Variants in PTBP3 observed in about 807,000 individuals in gnomAD.
The protein encoded by PTBP3 is polypyrimidine tract binding protein 3.
PTBP3 carries 20 observed loss-of-function variants against 58.7 expected under a neutral mutation model. The observed-to-expected ratio is 0.34, with a 90% CI of 0.24 to 0.50. The LOEUF (loss-of-function observed/expected upper bound fraction) is 0.50, where lower values mean the gene tolerates loss of function less well. PTBP3 is among the 20% of genes least tolerant of loss of function. The probability of loss-of-function intolerance (pLI) is 0.98; values close to 1 mark genes in which losing one functional copy is unlikely to be tolerated. For missense variants in PTBP3, 509 were observed against 637.2 expected, an observed-to-expected ratio of 0.80 and a Z score of 2.17; for synonymous variants, 185 against 219.8, an observed-to-expected ratio of 0.84 and a Z score of 1.40.
Position 112,221,465 on chromosome 9 carries a change from C to A in PTBP3, c.*2386G>T. 1.0e-6 allele frequency: 1 copy of A among 985,272 alleles called. No homozygotes were observed. The highest frequency in any genetic ancestry group is 1.2e-6 in the Non-Finnish European group (1 of 829,488). 61.0% of individuals were successfully genotyped at this position (985,272 alleles called of 1,614,324 possible). ...ATGAGAATCATGAATTAATAAATTA[C>A]ACAGTAATTCCTAACTTAAAGTAAA... On this transcript the variant is annotated 3_prime_UTR_variant, in exon 14 of 14. Transcript: ENST00000374257.
intron 7 of PTBP3, among the ~76,000 whole-genome samples, chr9:112,245,391 A>G (rs1835837674): frequency 6.6e-6 from 1 of 152,208 alleles, no homozygotes; most frequent in African/African-American, 2.4e-5. Context: ...GATTGAGCAA[A>G]TAAGTAAACA....
intron 7 of PTBP3, among the ~76,000 whole-genome samples, chr9:112,246,692 CAAAA>C (rs1264620462): frequency 9.3e-6 from 1 of 107,220 alleles, no homozygotes. Flanking sequence ...GACTCTGTCT[CAAAA>C]AAAAAAAAAG....
In PTBP3 at chr9:112,257,386, G is replaced by A. The variant is rs561466167; in HGVS notation, c.517-4598C>T. On this transcript the variant is annotated intron_variant, in intron 5 of 13. Transcript: ENST00000374257. ...TTTGGTATCAAAAATTAAAATTCAGGAAGGTTTGATATATATATGAATCTA... is the reference window on the plus strand; with the variant it reads ...TTTGGTATCAAAAATTAAAATTCAGAAAGGTTTGATATATATATGAATCTA... Among the ~76,000 whole-genome samples the A allele has an allele frequency of 2.6e-5, 4 of 152,188 alleles. No individual in the cohort carries two copies. In the South Asian group the frequency reaches 8.3e-4, roughly 32 times the overall value.
chr9:112,298,616 T>C (rs1318352863), intron 1 of PTBP3: 3 of 481,754 alleles, frequency 6.2e-6, no homozygotes, highest in East Asian at 1.2e-4. Context: ...TTTTAAATAG[T>C]ACTATTGGTT....
chr9:112,233,565 C>T (rs1406405175), intron 8 of PTBP3, among the ~76,000 whole-genome samples: 1 of 152,114 alleles, frequency 6.6e-6, no homozygotes, highest in African/African-American at 2.4e-5. Context: ...CTAAAAACCA[C>T]CAAGATGGTA....
intron 5 of PTBP3, among the ~76,000 whole-genome samples, chr9:112,255,350 A>AGG (rs1836301616): frequency 1.3e-5 from 2 of 152,224 alleles, no homozygotes; most frequent in Non-Finnish European, 2.9e-5. Flanking sequence ...ACAATTAAAA[A>AGG]TAGTTAAAAC....
intron 2 of PTBP3, among the ~76,000 whole-genome samples, chr9:112,283,799 T>G (rs962103180): frequency 2.8e-4 from 42 of 152,358 alleles, no homozygotes; most frequent in South Asian, 2.1e-3. Flanking sequence ...CGGGCTGGCC[T>G]GGGCCCTGCT....
chr9:112,375,991 C>G, the PTBP3 span, among the ~76,000 whole-genome samples: 1 of 152,002 alleles, frequency 6.6e-6, no homozygotes, highest in African/African-American at 2.4e-5. Flanking sequence ...CTCCAAATAG[C>G]ATCCCTATCT....
intron 1 of PTBP3, among the ~76,000 whole-genome samples, chr9:112,325,422 C>T (rs1006610195): frequency 2.6e-5 from 4 of 152,008 alleles, no homozygotes; most frequent in East Asian, 1.9e-4. Flanking sequence ...AGCCAGCTGG[C>T]GGGACCCCTC....
rs1043078558 is a variant in PTBP3, at chr9:112,223,595, A to AT, written c.*255dup. 8 of 1,156,980 alleles carry AT rather than the reference A, an allele frequency of 6.9e-6. No individual in the cohort carries two copies. The highest frequency in any genetic ancestry group is 4.1e-5 in the Admixed American group (1 of 24,206). 71.7% of individuals were successfully genotyped at this position (1,156,980 alleles called of 1,614,324 possible). On this transcript the variant is annotated 3_prime_UTR_variant, in exon 14 of 14. Coordinates refer to ENST00000374257, the MANE Select transcript of PTBP3 (RefSeq NM_001163788.4). ...TAGGGAATAAGATTATTGAAAAAAA[A>AT]TTTTTTTCCTGATTTTCTTTTTCCT...
intron 10 of PTBP3, among the ~76,000 whole-genome samples, chr9:112,229,130 T>C (rs535993816): frequency 2.0e-5 from 3 of 152,162 alleles, no homozygotes; most frequent in Admixed American, 2.0e-4. Context: ...AAAACTACAG[T>C]TTTTGAATTT....
chr9:112,333,583 C>G lies in PTBP3; in HGVS notation c.-165G>C, dbSNP rs1161878080. 25 of 1,389,040 alleles carry G rather than the reference C, an allele frequency of 1.8e-5. No individual in the cohort carries two copies. The highest frequency in any genetic ancestry group is 2.5e-5 in the Non-Finnish European group (25 of 1,000,964). 86.0% of individuals were successfully genotyped at this position (1,389,040 alleles called of 1,614,324 possible). On this transcript the variant is annotated 5_prime_UTR_variant, in exon 1 of 14. Coordinates refer to ENST00000374257, the MANE Select transcript of PTBP3 (RefSeq NM_001163788.4). The stretch of plus-strand genomic sequence containing the variant: ...TTCCGGGGACAAGCGAGCTTTGGCT[C>G]TGCGGAGCCCCGGCCGGTCCGAGGT...
chr9:112,301,472 CAAAA>C (rs1828934593), intron 1 of PTBP3, among the ~76,000 whole-genome samples: 13 of 150,170 alleles, frequency 8.7e-5, no homozygotes, highest in Admixed American at 7.3e-4. Flanking sequence ...AAAAAACAAA[CAAAA>C]AAACTAAACA....
the PTBP3 span, among the ~76,000 whole-genome samples, chr9:112,362,019 G>C: frequency 6.6e-6 from 1 of 152,148 alleles, no homozygotes; most frequent in South Asian, 2.1e-4. Flanking sequence ...TGTGCTTGTT[G>C]CCATTAGTAT....
chr9:112,372,747 T>C, the PTBP3 span, among the ~76,000 whole-genome samples: 1 of 152,226 alleles, frequency 6.6e-6, no homozygotes, highest in African/African-American at 2.4e-5. Flanking sequence ...CAGTACTTCA[T>C]TCCTTTTTAT....
At chr9:112,316,591 T>G (rs1012677972) in intron 1 of PTBP3, among the ~76,000 whole-genome samples, 1 of 152,202 alleles carries the variant, frequency 6.6e-6, no homozygotes, top group African/African-American at 2.4e-5. Flanking sequence ...ACACAGACAC[T>G]GGCAGATAAC....
intron 5 of PTBP3, among the ~76,000 whole-genome samples, chr9:112,256,317 A>G (rs1191183937): frequency 1.4e-5 from 2 of 144,902 alleles, no homozygotes; most frequent in Non-Finnish European, 3.0e-5. Flanking sequence ...ATATTTATCT[A>G]TCTTGCTGTT....
chr9:112,250,833 C>T, intron 7 of PTBP3, 96 bp downstream of exon 7: 1 of 1,185,198 alleles, frequency 8.4e-7, no homozygotes, highest in Middle Eastern at 2.7e-4. Context: ...CCTGAGAGAA[C>T]TCGAGAAGAA....
At chr9:112,378,608 T>TA in the PTBP3 span, among the ~76,000 whole-genome samples, 1 of 151,990 alleles carries the variant, frequency 6.6e-6, no homozygotes, top group Non-Finnish European at 1.5e-5. Context: ...GAGAGGAGAG[T>TA]AAGTTATTTT....
Sources: allele counts gnomAD v4.1 joint callset (sites outside exome capture counted in the v4.1 genomes callset), GRCh38; gene constraint gnomAD v4.1.1; transcripts MANE v1.5; gene names NCBI Gene and HGNC (gene_info 2026-07-23, HGNC 2026-07-21).